RS1: variants seen among roughly 807,000 people sequenced by gnomAD.
RS1 encodes the protein retinoschisin.
In RS1, 2 loss-of-function variants were observed where a neutral mutation model predicts 20.8. The observed-to-expected ratio is 0.10, with a 90% confidence interval of 0.04 to 0.30. The LOEUF (loss-of-function observed/expected upper bound fraction) is 0.30, where lower values mean the gene tolerates loss of function less well. RS1 is among the 10% of genes least tolerant of loss of function. The pLI, the probability that RS1 is intolerant of heterozygous loss-of-function variation, is 1.00. For missense variants in RS1, 151 were observed against 189.8 expected, an observed-to-expected ratio of 0.80 and a Z score of 1.20; for synonymous variants, 70 against 75.8, an observed-to-expected ratio of 0.92 and a Z score of 0.40.
chrX:18,655,435 C>T (rs1447516574), intron 3 of RS1, among the ~76,000 whole-genome samples: 1 of 112,214 alleles, frequency 8.9e-6, no homozygotes, highest in Non-Finnish European at 1.9e-5. Flanking sequence ...CCTCTCTCCT[C>T]CTTTACAAAG....
chrX:18,647,412 C>T (rs1927830462), intron 3 of RS1, 80 bp from the exon 4 acceptor site: 9 of 1,079,297 alleles, frequency 8.3e-6, no homozygotes, highest in East Asian at 6.0e-5. Context: ...ACAAAACAAA[C>T]CCATCTGCTT....
intron 3 of RS1, among the ~76,000 whole-genome samples, chrX:18,652,025 C>G (rs769860092): frequency 9.1e-6 from 1 of 110,412 alleles, no homozygotes; most frequent in South Asian, 3.9e-4. Flanking sequence ...GGTGCTACCT[C>G]CCCAGCACCC....
chrX:18,656,880 A>T, intron 2 of RS1, 122 bp from the exon 3 acceptor site: 1 of 557,875 alleles, frequency 1.8e-6, no homozygotes, highest in Middle Eastern at 4.7e-4. Context: ...ACAATGGCCA[A>T]ATTGAGCTAT....
intron 3 of RS1, among the ~76,000 whole-genome samples, chrX:18,652,931 G>A (rs1332998271): frequency 1.8e-5 from 2 of 112,563 alleles, no homozygotes; most frequent in East Asian, 2.8e-4. Context: ...TACTTTAGTG[G>A]CTACTTTCTG....
At chrX:18,671,085 G>A (rs1461605131) in intron 1 of RS1, among the ~76,000 whole-genome samples, 5 of 112,089 alleles carry the variant, frequency 4.5e-5, no homozygotes, top group African/African-American at 1.6e-4. Context: ...CTTGAGCCTG[G>A]GAGGTTGAGG....
At position 18,642,002 on chromosome X, in the gene RS1, C is replaced by A. The variant is rs756606916; in HGVS notation, c.*2G>T. The A allele has an allele frequency of 3.3e-4, 401 of 1,209,631 alleles. No homozygotes were observed. The highest frequency in any genetic ancestry group is 4.1e-4 in the Non-Finnish European group (363 of 895,266). On this transcript the variant is annotated 3_prime_UTR_variant, in exon 6 of 6. Coordinates refer to ENST00000379984, the MANE Select transcript of RS1 (RefSeq NM_000330.4). The stretch of plus-strand genomic sequence containing the variant: ...CTGGCAGGCGCCGAGCTGAGGCAGG[C>A]ATCAGGCACACTTGCTGACGCACTC...
chrX:18,666,270 G>A (rs1349085053), intron 1 of RS1, among the ~76,000 whole-genome samples: 4 of 112,045 alleles, frequency 3.6e-5, no homozygotes, highest in Non-Finnish European at 7.5e-5. Context: ...GTAGGGAACA[G>A]GGACTGGTCC....
At chrX:18,651,561 C>G (rs922727921) in intron 3 of RS1, among the ~76,000 whole-genome samples, 3 of 111,025 alleles carry the variant, frequency 2.7e-5, no homozygotes, top group Non-Finnish European at 5.7e-5. Context: ...GTCCCTCGGA[C>G]TGAGTATGGC....
chrX:18,650,669 G>T (rs1340531177), intron 3 of RS1: 2 of 1,073,636 alleles, frequency 1.9e-6, no homozygotes, highest in African/African-American at 3.6e-5. Context: ...TAGAAATGCA[G>T]ATGTTCAGGC....
intron 1 of RS1, among the ~76,000 whole-genome samples, chrX:18,660,891 G>A (rs953549272): frequency 8.9e-6 from 1 of 111,800 alleles, no homozygotes; most frequent in African/African-American, 3.3e-5. Flanking sequence ...GATGGGCTAT[G>A]CAGGGGCTGC....
rs201714912 is a variant in RS1 at position 18,646,008 on chromosome X, C to T, written c.326+1183G>A. On this transcript the variant is annotated intron_variant, in intron 4 of 5. Transcript: ENST00000379984. ...CTTTTGTTTCTCCCCACTAACTAGA[C>T]GGTGGATGTGATGGCAGAAGACAGA... The T allele has an allele frequency of 5.5e-5, 67 of 1,209,502 alleles. No homozygotes were observed. The South Asian group carries it at 8.6e-4, about 16-fold the overall frequency.
chrX:18,659,247 G>T (rs953927157), intron 1 of RS1, among the ~76,000 whole-genome samples: 7 of 111,205 alleles, frequency 6.3e-5, no homozygotes, highest in African/African-American at 1.6e-4. Context: ...GCTGAGACAG[G>T]CCGATCACTT....
chrX:18,650,597 G>T, intron 3 of RS1: 2 of 1,210,052 alleles, frequency 1.7e-6, no homozygotes, highest in Non-Finnish European at 2.2e-6. Context: ...AATCCGGTAA[G>T]CAGAGACTCT....
At chrX:18,659,400 G>C (rs1043086021) in intron 1 of RS1, among the ~76,000 whole-genome samples, 1 of 110,847 alleles carries the variant, frequency 9.0e-6, no homozygotes, top group Non-Finnish European at 1.9e-5. Flanking sequence ...CTTGAAACCC[G>C]GGTTGCAGTG....
chrX:18,671,875 C>T (rs1569235504), intron 1 of RS1, 142 bp downstream of exon 1: 2 of 564,716 alleles, frequency 3.5e-6, no homozygotes, highest in East Asian at 7.4e-5. Context: ...AACTGTTGTT[C>T]ATTAATAACA....
At chrX:18,653,272 G>C (rs1321964186) in intron 3 of RS1, among the ~76,000 whole-genome samples, 1 of 111,842 alleles carries the variant, frequency 8.9e-6, no homozygotes, top group Non-Finnish European at 1.9e-5. Flanking sequence ...CGGTGGAAGA[G>C]ACAGAGCTTT....
At chrX:18,650,093 A>G (rs939919114) in intron 3 of RS1, 26 of 337,579 alleles carry the variant, frequency 7.7e-5, no homozygotes, top group Non-Finnish European at 1.2e-4. Flanking sequence ...GCTCTTCTTC[A>G]TCTGTTTCCC....
At position 18,658,196 on chromosome X, in the gene RS1, T is replaced by C. The variant is rs148599196; in HGVS notation, c.53-531A>G. Reference sequence around the variant, plus strand: ...AAAACAAACCAAAAAAAGATAATCATTATTTTTGTTCGTTATAGAATTTTG... The same window carrying C: ...AAAACAAACCAAAAAAAGATAATCACTATTTTTGTTCGTTATAGAATTTTG... On this transcript the variant is annotated intron_variant, in intron 1 of 5. Transcript: ENST00000379984. Among the ~76,000 whole-genome samples, 55 of 110,902 alleles carry C rather than the reference T, an allele frequency of 5.0e-4. No individual in the cohort carries two copies. The East Asian group carries it at 0.015, about 31-fold the overall frequency.
At chrX:18,645,916 T>G in intron 4 of RS1, 1 of 1,192,347 alleles carries the variant, frequency 8.4e-7, no homozygotes, top group Non-Finnish European at 1.1e-6. Context: ...GTCAATGGGA[T>G]GTGGGCAGAA....
Sources: gnomAD v4.1 joint callset for allele counts (sites outside exome capture counted in the v4.1 genomes callset) on GRCh38, gnomAD v4.1.1 for gene constraint, MANE v1.5 for transcripts, NCBI Gene and HGNC (gene_info 2026-07-23, HGNC 2026-07-21) for gene names.